The following PIK3R5 variants were observed in gnomAD, a reference collection of about 807,000 sequenced individuals.
The protein encoded by PIK3R5 is phosphoinositide 3-kinase regulatory subunit 5.
A neutral mutation model predicts 94.9 loss-of-function variants in PIK3R5; 32 were observed. That is an observed-to-expected ratio of 0.34 (90% CI 0.25 to 0.45). PIK3R5 has a LOEUF of 0.45. Among genes scored for constraint, PIK3R5 ranks in the 20% least tolerant of loss-of-function variants. PIK3R5 has a pLI of 1.00. For missense variants in PIK3R5, 853 were observed against 1,144.6 expected, an observed-to-expected ratio of 0.75 and a Z score of 3.68; for synonymous variants, 443 against 479.4, an observed-to-expected ratio of 0.92 and a Z score of 0.99.
intron 5 of PIK3R5, among the ~76,000 whole-genome samples, chr17:8,901,094 G>A (rs1281963443): frequency 6.6e-6 from 1 of 152,162 alleles, no homozygotes; most frequent in Non-Finnish European, 1.5e-5. Flanking sequence ...AGCTCAGAAG[G>A]CATTCTGATC....
chr17:8,906,344 T>C (rs751387691), intron 3 of PIK3R5, among the ~76,000 whole-genome samples: 5 of 152,232 alleles, frequency 3.3e-5, no homozygotes, highest in African/African-American at 7.2e-5. Flanking sequence ...TATAAGTAAA[T>C]TTCTGTTTTA....
At chr17:8,887,489 TC>T (rs1181553857) in intron 11 of PIK3R5, 31 bp downstream of exon 11, 2 of 1,580,014 alleles carry the variant, frequency 1.3e-6, no homozygotes, top group Admixed American at 1.8e-5. Context: ...AACTCTACTT[TC>T]CCCGACCATT....
Position 8,881,967 on chromosome 17 carries a change from G to C in PIK3R5, c.2206-86C>G. 2 of 1,036,676 alleles carry C rather than the reference G, an allele frequency of 1.9e-6. No individual in the cohort carries two copies. The highest frequency in any genetic ancestry group is 3.0e-6 in the Non-Finnish European group (2 of 677,140). 64.2% of individuals were successfully genotyped at this position (1,036,676 alleles called of 1,614,324 possible). A position where few individuals can be genotyped will look rare whatever the true frequency, so the allele number is the denominator to read the frequency against. ...CTTTGAAGGCCCATCAGTGACAGGG[G>C]GTTGCCTCTAGTTAGCATATCCCCA... is the stretch of plus-strand genomic sequence containing the variant. On this transcript the variant is annotated intron_variant, in intron 15 of 18. Transcript: ENST00000447110. This position sits in a 1 kb window ranked among gnomAD's most constrained non-coding sequence, Gnocchi z 4.8.
chr17:8,888,344 C>G lies in PIK3R5; in HGVS notation c.1443G>C (p.Gln481His). Residue 481 changes from glutamine to histidine, a missense_variant, in exon 10 of 19, where the codon CAG becomes CAC. This residue lies in a region of PIK3R5 where 319 missense variants were observed against 339.8 expected (regional missense o/e 0.94). Transcript: ENST00000447110. This position sits in a 1 kb window ranked among gnomAD's most constrained non-coding sequence, Gnocchi z 7.8. ...SRAQRSRSLP[Q>H]PKLGTQLPSW... ...TGGGCAGCTGGGTACCGAGTTTGGG[C>G]TGGGGCAGGGAGCGGGAGCGCTGGG... The G allele has an allele frequency of 6.2e-7, 1 of 1,612,122 alleles. No individual in the cohort carries two copies. Among genetic ancestry groups the G allele is most frequent in the Non-Finnish European group, 8.5e-7 (1 of 1,179,570 alleles).
intron 1 of PIK3R5, among the ~76,000 whole-genome samples, chr17:8,936,211 T>C (rs998491813): frequency 6.6e-6 from 1 of 152,206 alleles, no homozygotes; most frequent in Non-Finnish European, 1.5e-5. Context: ...CTATTATTAA[T>C]ATCTTCCATT....
In PIK3R5 at chr17:8,879,969, A is replaced by C. The variant is rs1428061841; in HGVS notation, c.*670T>G. The C allele has an allele frequency of 6.6e-6, 1 of 152,216 alleles. No individual in the cohort carries two copies. Among genetic ancestry groups the C allele is most frequent in the African/African-American group, 2.4e-5 (1 of 41,442 alleles). 9.4% of individuals were successfully genotyped at this position (152,216 alleles called of 1,614,324 possible). A position where few individuals can be genotyped will look rare whatever the true frequency, so the allele number is the denominator to read the frequency against. ...CCCTATCCTGTCTTCTAAGAATCTC[A>C]GATTCCAAAAGGAGATCAAGAGAGA... On this transcript the variant is annotated 3_prime_UTR_variant, in exon 19 of 19. Coordinates refer to ENST00000447110, the MANE Select transcript of PIK3R5 (RefSeq NM_001142633.3). The surrounding 1 kb of genome is among the most constrained non-coding windows in gnomAD (Gnocchi z 4.4).
intron 1 of PIK3R5, among the ~76,000 whole-genome samples, chr17:8,926,921 T>A (rs1044747623): frequency 1.6e-4 from 24 of 152,142 alleles, no homozygotes; most frequent in African/African-American, 4.8e-4. Context: ...TATATATATA[T>A]AAATTAAAAA....
At chr17:8,951,656 C>A (rs772967896) in intron 1 of PIK3R5, among the ~76,000 whole-genome samples, 3 of 152,136 alleles carry the variant, frequency 2.0e-5, no homozygotes, top group Non-Finnish European at 4.4e-5. Context: ...CATTAATGGA[C>A]ATTTGGGTTA....
At chr17:8,900,363 A>G (rs2090253210) in intron 5 of PIK3R5, among the ~76,000 whole-genome samples, 1 of 152,120 alleles carries the variant, frequency 6.6e-6, no homozygotes, top group African/African-American at 2.4e-5. Flanking sequence ...CTCATTAATG[A>G]GCGGGCACAG....
intron 1 of PIK3R5, among the ~76,000 whole-genome samples, chr17:8,956,318 G>A (rs1010406481): frequency 1.3e-5 from 2 of 151,458 alleles, no homozygotes; most frequent in African/African-American, 4.9e-5. Flanking sequence ...TGGGCTAGAG[G>A]GTGGGTTTCT....
At chr17:8,958,038 C>T (rs1262003299) in intron 1 of PIK3R5, among the ~76,000 whole-genome samples, 2 of 152,088 alleles carry the variant, frequency 1.3e-5, no homozygotes, top group South Asian at 2.1e-4. Context: ...AGGTGGGATG[C>T]GGTGGCTCAC....
chr17:8,953,769 T>C (rs941754333), intron 1 of PIK3R5, among the ~76,000 whole-genome samples: 3 of 152,274 alleles, frequency 2.0e-5, no homozygotes, highest in African/African-American at 7.2e-5. Flanking sequence ...CCTTTCCAGA[T>C]ACTTTTACTG....
Position 8,904,128 on chromosome 17 carries a change from T to C in PIK3R5, c.412+649A>G, listed in dbSNP as rs913315707. 3.9e-5 allele frequency among the ~76,000 whole-genome samples: 6 copies of C among 152,244 alleles called. No homozygotes were observed. The highest frequency in any genetic ancestry group is 3.9e-4 in the Admixed American group (6 of 15,282). On this transcript the variant is annotated intron_variant, in intron 5 of 18. Coordinates refer to ENST00000447110, the MANE Select transcript of PIK3R5 (RefSeq NM_001142633.3). This position sits in a 1 kb window ranked among gnomAD's most constrained non-coding sequence, Gnocchi z 5.1. ...GAGATGCTTTTGCGAATTTATTCCT[T>C]TGAGTACTGATTCGCTGAGCCGCTT... is the stretch of plus-strand genomic sequence containing the variant.
chr17:8,929,337 CAAATT>C (rs976857897), intron 1 of PIK3R5, among the ~76,000 whole-genome samples: 14 of 151,536 alleles, frequency 9.2e-5, no homozygotes, highest in Non-Finnish European at 1.3e-4. Flanking sequence ...AATATATAGA[CAAATT>C]AAAAGTAAAA....
Position 8,880,737 on chromosome 17 carries a change from G to C in PIK3R5, c.2545C>G (p.Pro849Ala), listed in dbSNP as rs1005618367. ...YKPEKSDLSS[P>A]PQTPPDLPAQ... ...GGCAGGTCAGGAGGCGTCTGGGGTG[G>C]TGAGGAGAGGTCGCTCTTCTCTGGC... Residue 849 changes from proline (P) to alanine (A), a missense_variant, in exon 19 of 19, where the codon CCA becomes GCA. Pro to Ala is a conservative substitution (Grantham distance 27). Transcript: ENST00000447110. The C allele has an allele frequency of 6.2e-7, 1 of 1,613,918 alleles. No individual in the cohort carries two copies. The highest frequency in any genetic ancestry group is 8.5e-7 in the Non-Finnish European group (1 of 1,179,880).
intron 1 of PIK3R5, among the ~76,000 whole-genome samples, chr17:8,926,458 A>C (rs1002709701): frequency 5.9e-5 from 9 of 152,164 alleles, no homozygotes; most frequent in African/African-American, 1.9e-4. Context: ...CATACCTGAG[A>C]CTGGGAAGAA....
Position 8,888,714 on chromosome 17 carries a change from G to A in PIK3R5, c.1073C>T (p.Thr358Ile). Residue 358 changes from threonine to isoleucine, a missense_variant, in exon 10 of 19, where the codon ACC becomes ATC. Thr to Ile is a moderately conservative substitution (Grantham distance 89). This residue lies in a region of PIK3R5 where 319 missense variants were observed against 339.8 expected (regional missense o/e 0.94). Transcript: ENST00000447110. This position sits in a 1 kb window ranked among gnomAD's most constrained non-coding sequence, Gnocchi z 7.8. ...GGCCTGGGAGGATGCAAGGGACAAG[G>A]TGGAGTCATGGGACGCCAAAGAGCT... ...STSSLASHDS[T>I]LSLASSQASG... 2.5e-6 allele frequency: 4 copies of A among 1,613,848 alleles called. No individual in the cohort carries two copies. The highest frequency in any genetic ancestry group is 3.4e-6 in the Non-Finnish European group (4 of 1,180,018).
rs775623557 is a variant in PIK3R5, at chr17:8,909,220, G to A, written c.104-46C>T. 1 of 1,191,574 alleles carries A rather than the reference G, an allele frequency of 8.4e-7. No homozygotes were observed. Among genetic ancestry groups the A allele is most frequent in the East Asian group, 2.5e-5 (1 of 39,548 alleles). 73.8% of individuals were successfully genotyped at this position (1,191,574 alleles called of 1,614,324 possible). A position where few individuals can be genotyped will look rare whatever the true frequency, so the allele number is the denominator to read the frequency against. On this transcript the variant is annotated intron_variant, in intron 2 of 18. Coordinates refer to ENST00000447110, the MANE Select transcript of PIK3R5 (RefSeq NM_001142633.3). The surrounding 1 kb of genome is among the most constrained non-coding windows in gnomAD (Gnocchi z 4.3). Reference sequence around the variant, plus strand: ...AAGGGGTCAGTTCTGGTGTCTTCCAGTCACACTCAGGCAGGGGCTGTAAAG... The same window carrying A: ...AAGGGGTCAGTTCTGGTGTCTTCCAATCACACTCAGGCAGGGGCTGTAAAG...
At position 8,892,652 on chromosome 17, in the gene PIK3R5, TACA is replaced by T. The variant is rs1040421170; in HGVS notation, c.482+931_482+933del. Reference sequence around the variant, plus strand: ...GAGGAATCTTATTTACTTACTAAACTACAACATTTTAGCATCCTTTCCCTCTGT... The same window carrying T: ...GAGGAATCTTATTTACTTACTAAACTACATTTTAGCATCCTTTCCCTCTGT... On this transcript the variant is annotated intron_variant, in intron 6 of 18. Coordinates refer to ENST00000447110, the MANE Select transcript of PIK3R5 (RefSeq NM_001142633.3). This position sits in a 1 kb window ranked among gnomAD's most constrained non-coding sequence, Gnocchi z 4.3. 3.3e-5 allele frequency among the ~76,000 whole-genome samples: 5 copies of T among 152,222 alleles called. No homozygotes were observed. The highest frequency in any genetic ancestry group is 7.3e-5 in the Non-Finnish European group (5 of 68,034).
Sources: gnomAD v4.1 joint callset for allele counts (sites outside exome capture counted in the v4.1 genomes callset) on GRCh38, gnomAD v4.1.1 for gene constraint, gnomAD v4.1.1 regional missense constraint, Gnocchi (gnomAD v3.1) non-coding constraint, MANE v1.5 for transcripts, NCBI Gene and HGNC (gene_info 2026-07-23, HGNC 2026-07-21) for gene names.